CLIP3: variants seen among roughly 807,000 people sequenced by gnomAD.
The protein encoded by CLIP3 is CAP-Gly domain containing linker protein 3.
In CLIP3, 15 loss-of-function variants were observed where a neutral mutation model predicts 59.4. The ratio of observed to expected loss-of-function variants is 0.25; its 90% CI spans 0.17 to 0.39. The LOEUF (loss-of-function observed/expected upper bound fraction) is 0.39, where lower values mean the gene tolerates loss of function less well. Ranked by LOEUF, CLIP3 falls within the 10% of genes least tolerant of loss-of-function variation. The pLI, the probability that CLIP3 is intolerant of heterozygous loss-of-function variation, is 1.00. For synonymous variants in CLIP3, 300 were observed against 321.6 expected (o/e 0.93, Z 0.72); for missense variants, 495 against 765.7 (o/e 0.65, Z 4.17).
rs767691706 is a variant in CLIP3 at position 36,017,922 on chromosome 19, A to T, written c.1253T>A (p.Val418Asp). 2.5e-6 allele frequency: 4 copies of T among 1,613,972 alleles called. No individual in the cohort carries two copies. Among genetic ancestry groups the T allele is most frequent in the Non-Finnish European group, 3.4e-6 (4 of 1,180,016 alleles). Residue 418 changes from valine (V) to aspartate (D), a missense_variant, in exon 10 of 14, where the codon GTT becomes GAT. This residue lies in a region of CLIP3 where 179 missense variants were observed against 226.2 expected (regional missense o/e 0.79). Transcript: ENST00000360535. The part of the protein sequence containing the change: ...LQQRDGAKAE[V>D]GDQVLVAGQK... Reference sequence around the variant, plus strand: ...GCCCGCGACAAGGACCTGGTCTCCAACCTCAGCCTTGGCCCCGTCACGCTG... The same window carrying T: ...GCCCGCGACAAGGACCTGGTCTCCATCCTCAGCCTTGGCCCCGTCACGCTG...
intron 7 of CLIP3, among the ~76,000 whole-genome samples, chr19:36,022,237 C>A (rs1018370473): frequency 6.6e-6 from 1 of 152,146 alleles, no homozygotes; most frequent in Non-Finnish European, 1.5e-5. Flanking sequence ...CTGGCACACA[C>A]AAAGAGCATT....
rs150165987 is a variant in CLIP3 at position 36,020,459 on chromosome 19, C to G, written c.919-1153G>C. ...TCTCTACTAAAAATACAAAAATTAA[C>G]CAGGCATGATGGTGCACGCCTGTAA... is the stretch of plus-strand genomic sequence containing the variant. On this transcript the variant is annotated intron_variant, in intron 7 of 13. Coordinates refer to ENST00000360535, the MANE Select transcript of CLIP3 (RefSeq NM_015526.3). 2.7e-3 allele frequency among the ~76,000 whole-genome samples: 413 copies of G among 151,404 alleles called. 8 individuals carry two copies. The highest frequency in any genetic ancestry group is 9.7e-3 in the African/African-American group (398 of 40,914).
At chr19:36,019,598 A>ATTTTTTTTT (rs200645934) in intron 7 of CLIP3, among the ~76,000 whole-genome samples, 2 of 99,396 alleles carry the variant, frequency 2.0e-5, no homozygotes, top group East Asian at 2.9e-4. Context: ...TTATTTATTT[A>ATTTTTTTTT]TTTTATTTAT....
chr19:36,018,280 G>C (rs370432424), intron 9 of CLIP3, among the ~76,000 whole-genome samples: 3 of 152,164 alleles, frequency 2.0e-5, no homozygotes, highest in East Asian at 3.9e-4. Context: ...GGGAAAATTG[G>C]GTCCGAGAGT....
At chr19:36,022,211 G>C (rs1968970710) in intron 7 of CLIP3, among the ~76,000 whole-genome samples, 1 of 152,192 alleles carries the variant, frequency 6.6e-6, no homozygotes, top group South Asian at 2.1e-4. Flanking sequence ...TGTTGGTGGA[G>C]GGACTAGAAC....
At chr19:36,031,008 C>CTTTTTTTTTTTTTTTCTTTTTTTTT (rs374690845) in intron 2 of CLIP3, among the ~76,000 whole-genome samples, 3 of 77,838 alleles carry the variant, frequency 3.9e-5, no homozygotes, top group South Asian at 4.3e-4. Flanking sequence ...TTTTTCTTTT[C>CTTTTTTTTTTTTTTTCTTTTTTTTT]TTTTTTTTTT....
rs1443930534 is a variant in CLIP3 at position 36,015,144 on chromosome 19, T to C, written c.*1014A>G. 7.9e-5 allele frequency: 12 copies of C among 152,172 alleles called. No homozygotes were observed. The East Asian group carries it at 2.3e-3, about 29-fold the overall frequency. 9.4% of individuals were successfully genotyped at this position (152,172 alleles called of 1,614,324 possible). A position where few individuals can be genotyped will look rare whatever the true frequency, so the allele number is the denominator to read the frequency against. ...CATACCAGGCACAAGGACCTCATGA[T>C]TGGGTTTCCTGGGGACTTGGGATTG... On this transcript the variant is annotated 3_prime_UTR_variant, in exon 14 of 14. Coordinates refer to ENST00000360535, the MANE Select transcript of CLIP3 (RefSeq NM_015526.3).
In CLIP3 at chr19:36,024,618, C is replaced by T. The variant is rs202051060; in HGVS notation, c.696G>A (p.Gln232=). 17 of 1,614,100 alleles carry T rather than the reference C, an allele frequency of 1.1e-5. No individual in the cohort carries two copies. In the South Asian group the frequency reaches 1.5e-4, roughly 15 times the overall value. Residue 232 remains glutamine, a synonymous_variant, in exon 7 of 14, where the codon CAG becomes CAA. Transcript: ENST00000360535. ...ANPALRNRKG[Q]VPAEVVPDPM... is the part of the protein sequence containing the mutation. Reference sequence around the variant, plus strand: ...GATCTGGGACCACCTCCGCCGGCACCTGTCCTTTTCGATTCTGGGGGCCAA... The same window carrying T: ...GATCTGGGACCACCTCCGCCGGCACTTGTCCTTTTCGATTCTGGGGGCCAA...
Position 36,017,444 on chromosome 19 carries a change from G to A in CLIP3, c.1458C>T (p.Gly486=), listed in dbSNP as rs559736954. 3.5e-5 allele frequency: 57 copies of A among 1,613,946 alleles called. 1 individual carries two copies. The East Asian group carries it at 3.8e-4, about 11-fold the overall frequency. The part of the protein sequence containing the change: ...FAPASRIQRI[G]GSTDSPGDSV... Reference sequence around the variant, plus strand: ...TGTCCCCGGGGGAATCAGTGGATCCGCCAATCCTGAGGAGACACGGGGAGG... The same window carrying A: ...TGTCCCCGGGGGAATCAGTGGATCCACCAATCCTGAGGAGACACGGGGAGG... Residue 486 remains glycine, a synonymous_variant, in exon 12 of 14, where the codon GGC becomes GGT. Transcript: ENST00000360535.
chr19:36,016,882 G>A lies in CLIP3; in HGVS notation c.1589+25C>T, dbSNP rs373825353. 4 of 1,609,952 alleles carry A rather than the reference G, an allele frequency of 2.5e-6. No individual in the cohort carries two copies. The African/African-American group carries it at 4.0e-5, about 16-fold the overall frequency. On this transcript the variant is annotated intron_variant, in intron 13 of 13. Transcript: ENST00000360535. The surrounding 1 kb of genome is among the most constrained non-coding windows in gnomAD (Gnocchi z 4.1). ...CCCTCTCCCTGAATGTCACATAGGA[G>A]AGGGGACAGGGGTTGGCCACACACC... is the stretch of plus-strand genomic sequence containing the variant.
chr19:36,017,799 G>C, intron 10 of CLIP3, 21 bp from the exon 11 acceptor site: 1 of 1,614,138 alleles, frequency 6.2e-7, no homozygotes, highest in Non-Finnish European at 8.5e-7. Flanking sequence ...AGGGTGTCAG[G>C]ATTTCTCAAG....
At chr19:36,031,008 C>CTTTTTTTTTTTTTTTCTTTTTTTT (rs374690845) in intron 2 of CLIP3, among the ~76,000 whole-genome samples, 7 of 77,838 alleles carry the variant, frequency 9.0e-5, no homozygotes, top group Admixed American at 1.7e-4. Context: ...TTTTTCTTTT[C>CTTTTTTTTTTTTTTTCTTTTTTTT]TTTTTTTTTT....
At position 36,026,171 on chromosome 19, in the gene CLIP3, C is replaced by T; in HGVS notation, c.657G>A (p.Glu219=). The T allele has an allele frequency of 6.2e-7, 1 of 1,613,778 alleles. No individual in the cohort carries two copies. Among genetic ancestry groups the T allele is most frequent in the South Asian group, 1.1e-5 (1 of 91,068 alleles). ...CCCTCAGCGCAGGGTTGGCGCCGTG[C>T]TCCAGCAAACATTTGGCGGCGCCCA... The part of the protein sequence containing the change: ...LCLGAAKCLL[E]HGANPALRNR... The change falls in exon 6 of 14, where the codon GAG becomes GAA. Residue 219 remains glutamate, a synonymous_variant. Transcript: ENST00000360535. The surrounding 1 kb of genome is among the most constrained non-coding windows in gnomAD (Gnocchi z 6.3).
chr19:36,024,310 A>C (rs1350484719), intron 7 of CLIP3, 86 bp downstream of exon 7: 1 of 1,137,308 alleles, frequency 8.8e-7, no homozygotes, highest in Non-Finnish European at 1.3e-6. Flanking sequence ...CAGGGACTGC[A>C]CTCTGCCCGA....
At position 36,024,502 on chromosome 19, in the gene CLIP3, G is replaced by C. The variant is rs1481023763; in HGVS notation, c.812C>G (p.Ala271Gly). 10 of 1,614,144 alleles carry C rather than the reference G, an allele frequency of 6.2e-6. No individual in the cohort carries two copies. Among genetic ancestry groups the C allele is most frequent in the Non-Finnish European group, 8.5e-6 (10 of 1,180,060 alleles). Reference sequence around the variant, plus strand: ...GTTGGGTAGCGTGACCTTGGGGAGGGCGCAAGATAGTGGCACTGCCTCTTC... The same window carrying C: ...GTTGGGTAGCGTGACCTTGGGGAGGCCGCAAGATAGTGGCACTGCCTCTTC... ...LLEEAVPLSCALPKVTLPNYD... is the reference protein window; with the variant it reads ...LLEEAVPLSCGLPKVTLPNYD... Residue 271 changes from alanine (A) to glycine (G), a missense_variant, in exon 7 of 14, where the codon GCC becomes GGC. Ala to Gly is a moderately conservative substitution (Grantham distance 60, BLOSUM62 0). Transcript: ENST00000360535.
rs936245738 is a variant in CLIP3, at chr19:36,027,052, G to A, written c.307-7C>T. ...GGCAGCCTCGGCGCAGAATCTGTGA[G>A]TACCAGGGGAGCAGGGAGGGTCACC... On this transcript the variant is annotated splice_polypyrimidine_tract_variant and splice_region_variant and intron_variant, in intron 3 of 13. Transcript: ENST00000360535. 1.9e-6 allele frequency: 3 copies of A among 1,601,588 alleles called. No individual in the cohort carries two copies. Among genetic ancestry groups the A allele is most frequent in the Admixed American group, 1.8e-5 (1 of 55,442 alleles).
chr19:36,025,409 G>A (rs568571014), intron 6 of CLIP3, among the ~76,000 whole-genome samples: 17 of 151,920 alleles, frequency 1.1e-4, no homozygotes, highest in African/African-American at 3.9e-4. Flanking sequence ...TGGCCAACAT[G>A]GTGAAACTCC....
chr19:36,032,428 G>T lies in CLIP3; in HGVS notation c.-58-13C>A. The stretch of plus-strand genomic sequence containing the variant: ...CTTCAGGCAAATCCTGGAGGCAGAG[G>T]TCAGCTGGAGAGGGTGCCCGGCAGG... On this transcript the variant is annotated splice_polypyrimidine_tract_variant and intron_variant, in intron 1 of 13. Coordinates refer to ENST00000360535, the MANE Select transcript of CLIP3 (RefSeq NM_015526.3). This position sits in a 1 kb window ranked among gnomAD's most constrained non-coding sequence, Gnocchi z 4.3. The T allele has an allele frequency of 2.8e-6, 2 of 717,172 alleles. No homozygotes were observed. The highest frequency in any genetic ancestry group is 2.0e-6 in the Non-Finnish European group (1 of 509,630). 44.4% of individuals were successfully genotyped at this position (717,172 alleles called of 1,614,324 possible).
In CLIP3 at chr19:36,032,226, G is replaced by C; in HGVS notation, c.132C>G (p.His44Gln). 7.6e-7 allele frequency: 1 copy of C among 1,308,310 alleles called. No homozygotes were observed. Among genetic ancestry groups the C allele is most frequent in the Non-Finnish European group, 9.8e-7 (1 of 1,019,376 alleles). The allele number at this position is 1,308,310 out of a possible 1,614,324, so 81.0% of individuals were successfully genotyped here. ...TAGGGAGGGGGGCAGGTGCCGAGGG[G>C]TGCACAACAGGCTTCTGCCGGCGCT... ...TQERRQKPVVHPSAPAPLPKD... is the reference protein window; with the variant it reads ...TQERRQKPVVQPSAPAPLPKD... Residue 44 changes from histidine to glutamine, a missense_variant, in exon 2 of 14, where the codon CAC (histidine) becomes CAG (glutamine). By Grantham distance (24) the His-to-Gln change is conservative (BLOSUM62 0). Transcript: ENST00000360535. The surrounding 1 kb of genome is among the most constrained non-coding windows in gnomAD (Gnocchi z 4.3).
Sources: gnomAD v4.1 joint callset for allele counts (sites outside exome capture counted in the v4.1 genomes callset) on GRCh38, gnomAD v4.1.1 for gene constraint, gnomAD v4.1.1 regional missense constraint, Gnocchi (gnomAD v3.1) non-coding constraint, MANE v1.5 for transcripts, NCBI Gene and HGNC (gene_info 2026-07-23, HGNC 2026-07-21) for gene names.